Variants in ODR4 observed in about 807,000 individuals in gnomAD.
The protein encoded by ODR4 is protein odr-4 homolog.
ODR4 carries 47 observed loss-of-function variants against 60.2 expected under a neutral mutation model. The ratio of observed to expected loss-of-function variants is 0.78; its 90% CI spans 0.62 to 1.00. The LOEUF is 1.00. Among genes scored for constraint, ODR4 ranks in the 50% least tolerant of loss-of-function variants. ODR4 has a pLI of 0.00. For synonymous variants in ODR4, 178 were observed against 175.5 expected (o/e 1.01, Z -0.11); for missense variants, 488 against 530.8 (o/e 0.92, Z 0.79).
intron 2 of ODR4, among the ~76,000 whole-genome samples, chr1:186,381,045 A>G (rs1024474786): frequency 1.3e-5 from 2 of 152,232 alleles, no homozygotes; most frequent in African/African-American, 2.4e-5. Flanking sequence ...GAGGCCTCTC[A>G]TTAGACAGCC....
rs112923808 is a variant in ODR4 at position 186,386,484 on chromosome 1, A to T, written c.330+401A>T. Among the ~76,000 whole-genome samples the T allele has an allele frequency of 3.0e-3, 450 of 152,264 alleles. 3 individuals are homozygous for T. Among genetic ancestry groups the T allele is most frequent in the African/African-American group, 0.01 (429 of 41,568 alleles). The stretch of plus-strand genomic sequence containing the variant: ...AATTCCATGTAAATTATGCAAACAA[A>T]TAATTCATTGTAAAATATTGAAAAA... On this transcript the variant is annotated intron_variant, in intron 4 of 13. Coordinates refer to ENST00000287859, the MANE Select transcript of ODR4 (RefSeq NM_017847.6).
chr1:186,423,091 A>G (rs1005444332), downstream of ODR4, among the ~76,000 whole-genome samples: 1 of 152,202 alleles, frequency 6.6e-6, no homozygotes, highest in Non-Finnish European at 1.5e-5. Flanking sequence ...AAGAAATAGA[A>G]AAGCTGAATA....
chr1:186,433,621 C>T, the ODR4 span, among the ~76,000 whole-genome samples: 25 of 152,148 alleles, frequency 1.6e-4, no homozygotes, highest in Middle Eastern at 6.8e-3. Context: ...CACTCTGTGG[C>T]GCAGACTGGA....
In ODR4 at chr1:186,420,805, A is replaced by G. The variant is rs1661746310; in HGVS notation, c.*1729A>G. 1 of 152,172 alleles carries G rather than the reference A, an allele frequency of 6.6e-6. No individual in the cohort carries two copies. Among genetic ancestry groups the G allele is most frequent in the Non-Finnish European group, 1.5e-5 (1 of 68,018 alleles). The allele number at this position is 152,172 out of a possible 1,614,324, so 9.4% of individuals were successfully genotyped here. A position where few individuals can be genotyped will look rare whatever the true frequency, so the allele number is the denominator to read the frequency against. On this transcript the variant is annotated 3_prime_UTR_variant, in exon 14 of 14. Transcript: ENST00000287859. ...AAAGACTAGGAGTCCTAGAAAGAGA[A>G]AATTTAGAGAATAAAGGAGAGGCAG...
At position 186,381,646 on chromosome 1, in the gene ODR4, CT is replaced by C. The variant is rs143277372; in HGVS notation, c.100-1371del. ...CCGGCCTAAGGCCTTCCTTCTATCT[CT>C]TTTTATGCTGTAGTATGTATTGCTC... On this transcript the variant is annotated intron_variant, in intron 2 of 13. Coordinates refer to ENST00000287859, the MANE Select transcript of ODR4 (RefSeq NM_017847.6). Among the ~76,000 whole-genome samples the C allele has an allele frequency of 6.0e-3, 921 of 152,306 alleles. 13 individuals carry two copies. The highest frequency in any genetic ancestry group is 0.021 in the African/African-American group (891 of 41,582).
chr1:186,418,463 T>C (rs1209671764), intron 13 of ODR4, among the ~76,000 whole-genome samples: 1 of 152,094 alleles, frequency 6.6e-6, no homozygotes, highest in Non-Finnish European at 1.5e-5. Context: ...GCTAATTTTT[T>C]GTATTTTTAG....
intron 11 of ODR4, 168 bp downstream of exon 11, chr1:186,399,212 T>TC (rs1257406260): frequency 3.2e-6 from 2 of 633,916 alleles, no homozygotes; most frequent in East Asian, 3.2e-5. Flanking sequence ...TCAGATTTTT[T>TC]TTTTTTTTTT....
At chr1:186,411,506 C>T (rs1030839774) in intron 12 of ODR4, among the ~76,000 whole-genome samples, 9 of 151,964 alleles carry the variant, frequency 5.9e-5, no homozygotes, top group Admixed American at 5.2e-4. Flanking sequence ...GATATAAATG[C>T]TATTCTCTAA....
intron 2 of ODR4, among the ~76,000 whole-genome samples, chr1:186,380,421 T>TA (rs1436865825): frequency 6.6e-6 from 1 of 152,084 alleles, no homozygotes; most frequent in Non-Finnish European, 1.5e-5. Context: ...ATTTGGAAAT[T>TA]AGACAAATTC....
chr1:186,427,774 AAGTC>A, the ODR4 span, among the ~76,000 whole-genome samples: 4 of 152,348 alleles, frequency 2.6e-5, no homozygotes, highest in South Asian at 2.1e-4. Flanking sequence ...TAAAAGTTGA[AAGTC>A]AGAACTACTT....
At chr1:186,391,441 TTAA>T (rs1660465716) in intron 7 of ODR4, among the ~76,000 whole-genome samples, 1 of 151,872 alleles carries the variant, frequency 6.6e-6, no homozygotes, top group African/African-American at 2.4e-5. Flanking sequence ...GATCATGTAC[TTAA>T]TAACCTCCTG....
chr1:186,396,888 ATAAAAAGT>A (rs1287485161), intron 9 of ODR4, among the ~76,000 whole-genome samples: 2 of 152,160 alleles, frequency 1.3e-5, no homozygotes, highest in African/African-American at 2.4e-5. Context: ...TTTGTCTACA[ATAAAAAGT>A]TATGGAGTAG....
intron 13 of ODR4, among the ~76,000 whole-genome samples, chr1:186,418,237 T>C (rs888300847): frequency 1.3e-5 from 2 of 151,562 alleles, no homozygotes; most frequent in Admixed American, 1.3e-4. Context: ...TTTTTGTACA[T>C]GTGTGTGTGT....
intron 11 of ODR4, among the ~76,000 whole-genome samples, chr1:186,403,878 CTG>C (rs1267547883): frequency 6.6e-6 from 1 of 152,154 alleles, no homozygotes; most frequent in African/African-American, 2.4e-5. Flanking sequence ...TCAGTATCCT[CTG>C]TACCACTCCA....
chr1:186,399,223 T>TA, intron 11 of ODR4, 179 bp downstream of exon 11: 1 of 590,212 alleles, frequency 1.7e-6, no homozygotes, highest in African/African-American at 1.8e-5. Context: ...TTTTTTTTTT[T>TA]AGACAGAGTC....
intron 4 of ODR4, among the ~76,000 whole-genome samples, chr1:186,388,234 T>G (rs1660324544): frequency 1.3e-5 from 2 of 152,166 alleles, no homozygotes; most frequent in South Asian, 4.1e-4. Context: ...GTAGTCCCAG[T>G]TACTTGGGAA....
chr1:186,434,189 T>G, the ODR4 span, among the ~76,000 whole-genome samples: 1 of 152,042 alleles, frequency 6.6e-6, no homozygotes, highest in Non-Finnish European at 1.5e-5. Context: ...CTAATAATGC[T>G]TTTTCTCTTT....
rs540592034 is a variant in ODR4 at position 186,384,575 on chromosome 1, A to ACT, written c.235-1412_235-1411insTC. 3.3e-3 allele frequency among the ~76,000 whole-genome samples: 433 copies of ACT among 132,350 alleles called. 2 individuals carry two copies. The highest frequency in any genetic ancestry group is 7.3e-3 in the Middle Eastern group (2 of 274). 86.8% of individuals were successfully genotyped at this position (132,350 alleles called of 152,430 possible). On this transcript the variant is annotated intron_variant, in intron 3 of 13. Transcript: ENST00000287859. ...GGTCTCTCATAAAATTGTATATGAC[A>ACT]CACACACACACACACACACACACAC...
At chr1:186,417,032 G>A (rs554114121) in intron 12 of ODR4, among the ~76,000 whole-genome samples, 35 of 151,786 alleles carry the variant, frequency 2.3e-4, no homozygotes, top group African/African-American at 7.2e-4. Context: ...GTGCAATCTC[G>A]GCTCACTGTA....
Sources: gnomAD v4.1 joint callset for allele counts (sites outside exome capture counted in the v4.1 genomes callset) on GRCh38, gnomAD v4.1.1 for gene constraint, MANE v1.5 for transcripts, NCBI Gene and HGNC (gene_info 2026-07-23, HGNC 2026-07-21) for gene names.